The following GREB1 variants were observed in gnomAD, a reference collection of about 807,000 sequenced individuals.
GREB1 encodes growth regulating estrogen receptor binding 1.
Under a neutral mutation model 200.7 loss-of-function variants are expected in GREB1, and 106 were observed. The ratio of observed to expected loss-of-function variants is 0.53; its 90% CI spans 0.45 to 0.62. GREB1 has a LOEUF of 0.62. Ranked by LOEUF, GREB1 falls within the 20% of genes least tolerant of loss-of-function variation. GREB1 has a pLI of 0.00. For missense variants in GREB1, 2,243 were observed against 2,556.8 expected (o/e 0.88, Z 2.65); for synonymous variants, 1,132 against 1,092.4 (o/e 1.04, Z -0.72).
At chr2:11,524,162 C>T (rs1203158776) in intron 1 of GREB1, among the ~76,000 whole-genome samples, 1 of 152,134 alleles carries the variant, frequency 6.6e-6, no homozygotes, top group Non-Finnish European at 1.5e-5. Flanking sequence ...CATCTTTTTT[C>T]TCCCTCCTCT....
chr2:11,618,460 G>A lies in GREB1; in HGVS notation c.3585G>A (p.Gly1195=). Residue 1195 remains glycine (G), a synonymous_variant, in exon 22 of 33, where the codon GGG becomes GGA. Coordinates refer to ENST00000381486, the MANE Select transcript of GREB1 (RefSeq NM_014668.4). ...PPSAISRHSP[G]PTPQPDCSLR... ...CGGCCATCAGCAGGCACAGTCCCGG[G>A]CCGACGCCCCAGCCCGACTGTAGCC... is the stretch of plus-strand genomic sequence containing the variant. The A allele has an allele frequency of 1.9e-6, 3 of 1,605,748 alleles. No individual in the cohort carries two copies. The highest frequency in any genetic ancestry group is 2.5e-6 in the Non-Finnish European group (3 of 1,176,962).
intron 5 of GREB1, among the ~76,000 whole-genome samples, chr2:11,577,310 C>T (rs995220257): frequency 3.3e-5 from 5 of 152,150 alleles, no homozygotes; most frequent in Admixed American, 3.3e-4. Flanking sequence ...AGGACGGCCC[C>T]GAGCACAAAG....
intron 22 of GREB1, among the ~76,000 whole-genome samples, chr2:11,620,612 T>C (rs965963026): frequency 1.3e-5 from 2 of 152,216 alleles, no homozygotes; most frequent in African/African-American, 4.8e-5. Flanking sequence ...TGAAGCAGCT[T>C]GCTTTGGCTT....
chr2:11,537,700 ATATAT>A (rs1364361605), intron 1 of GREB1, among the ~76,000 whole-genome samples: 1 of 147,480 alleles, frequency 6.8e-6, no homozygotes, highest in Non-Finnish European at 1.5e-5. Context: ...CATAAATATC[ATATAT>A]TAGATAAATA....
intron 16 of GREB1, among the ~76,000 whole-genome samples, chr2:11,601,576 C>T (rs548132737): frequency 1.3e-5 from 2 of 152,250 alleles, no homozygotes; most frequent in Non-Finnish European, 2.9e-5. Flanking sequence ...AATAAGTAAA[C>T]GTAAGAGATG....
chr2:11,552,825 C>A (rs943655636), intron 1 of GREB1, among the ~76,000 whole-genome samples: 49 of 151,994 alleles, frequency 3.2e-4, no homozygotes, highest in Non-Finnish European at 6.3e-4. Flanking sequence ...TCCTGGCTAA[C>A]ACGGTGAAAC....
In GREB1 at chr2:11,580,654, A is replaced by T. The variant is rs747926064; in HGVS notation, c.773-50A>T. The T allele has an allele frequency of 3.2e-6, 5 of 1,547,916 alleles. No individual in the cohort carries two copies. The highest frequency in any genetic ancestry group is 3.9e-5 in the Admixed American group (2 of 51,792). ...ATGATTTCCTCCTTGCCTGGCTCCC[A>T]GGGCATTCTTGTGAACTGACCCTCC... On this transcript the variant is annotated intron_variant, in intron 6 of 32. Coordinates refer to ENST00000381486, the MANE Select transcript of GREB1 (RefSeq NM_014668.4). The surrounding 1 kb of genome is among the most constrained non-coding windows in gnomAD (Gnocchi z 4.5).
At chr2:11,557,160 A>G (rs1443856218) in intron 2 of GREB1, among the ~76,000 whole-genome samples, 2 of 152,198 alleles carry the variant, frequency 1.3e-5, no homozygotes, top group African/African-American at 4.8e-5. Flanking sequence ...TTGCAAAGTA[A>G]TAGTAGGTAT....
Position 11,617,332 on chromosome 2 carries a change from C to T in GREB1, c.3412+612C>T, listed in dbSNP as rs114080533. 3.9e-4 allele frequency among the ~76,000 whole-genome samples: 60 copies of T among 152,306 alleles called. 1 individual carries two copies. The South Asian group carries it at 1.0e-2, about 25-fold the overall frequency. ...CCCCGGGCAAGTCAGGGGCCACCGT[C>T]GGCCATCAGCACGCACAGTCCCTGT... On this transcript the variant is annotated intron_variant, in intron 21 of 32. Coordinates refer to ENST00000381486, the MANE Select transcript of GREB1 (RefSeq NM_014668.4).
chr2:11,523,980 G>A (rs1425630167), intron 1 of GREB1, among the ~76,000 whole-genome samples: 1 of 152,076 alleles, frequency 6.6e-6, no homozygotes, highest in South Asian at 2.1e-4. Context: ...CTCAGCCCAA[G>A]GACTCTTTAT....
At chr2:11,519,515 G>A (rs1425436395) in intron 1 of GREB1, among the ~76,000 whole-genome samples, 2 of 140,266 alleles carry the variant, frequency 1.4e-5, no homozygotes, top group African/African-American at 5.6e-5. Flanking sequence ...GAGCGCAATG[G>A]CACGATCTCG....
rs144080864 is a variant in GREB1, at chr2:11,500,217, A to G, written c.-159+17836A>G. 9.5e-4 allele frequency among the ~76,000 whole-genome samples: 145 copies of G among 152,304 alleles called. 3 individuals are homozygous for G. In the East Asian group the frequency reaches 0.026, roughly 27 times the overall value. On this transcript the variant is annotated intron_variant, in intron 1 of 2. Transcript: ENST00000628795. ...CACGCTGTTGCCCAGGCTGGAGTGCAGTGGTGTGATCTCGGCTTACCGCAA... is the reference window on the plus strand; with the variant it reads ...CACGCTGTTGCCCAGGCTGGAGTGCGGTGGTGTGATCTCGGCTTACCGCAA...
At chr2:11,509,164 G>T (rs1673280347) in intron 1 of GREB1, among the ~76,000 whole-genome samples, 2 of 152,026 alleles carry the variant, frequency 1.3e-5, no homozygotes, top group African/African-American at 4.8e-5. Flanking sequence ...ATGAGCCACC[G>T]CGCCCGGCCC....
Position 11,631,895 on chromosome 2 carries a change from C to G in GREB1, c.4612-14C>G, listed in dbSNP as rs1023542933. 17 of 1,599,022 alleles carry G rather than the reference C, an allele frequency of 1.1e-5. No homozygotes were observed. Among genetic ancestry groups the G allele is most frequent in the Non-Finnish European group, 1.4e-5 (16 of 1,166,924 alleles). On this transcript the variant is annotated splice_polypyrimidine_tract_variant and intron_variant, in intron 26 of 32. Transcript: ENST00000381486. ...TTTACAAACACTCTACCTCATGATA[C>G]CTGTACTTTGCAGAGCCATGAATAT...
rs760768825 is a variant in GREB1, at chr2:11,610,688, G to A, written c.2667G>A (p.Arg889=). 6.2e-7 allele frequency: 1 copy of A among 1,607,060 alleles called. No individual in the cohort carries two copies. The highest frequency in any genetic ancestry group is 1.1e-5 in the South Asian group (1 of 90,372). ...FEAMVTALGK[R]FPRLHSAVIR... ...CATGGTCTCTCTGTGTTCCTTGCAG[G>A]TTCCCCCGCCTGCACAGCGCGGTGA... Residue 889 remains arginine, a splice_region_variant and synonymous_variant, in exon 18 of 33, where the codon AGG becomes AGA. Transcript: ENST00000381486.
At chr2:11,553,117 A>G (rs1676091949) in intron 1 of GREB1, among the ~76,000 whole-genome samples, 1 of 151,220 alleles carries the variant, frequency 6.6e-6, no homozygotes, top group South Asian at 2.1e-4. Context: ...GTCATTTGGG[A>G]TAGGGAGTGG....
intron 1 of GREB1, among the ~76,000 whole-genome samples, chr2:11,522,768 G>T (rs937860373): frequency 4.6e-5 from 7 of 152,208 alleles, no homozygotes; most frequent in Admixed American, 6.5e-5. Flanking sequence ...CAGACTCAGG[G>T]ATAGCAATGT....
At chr2:11,611,086 G>T in intron 18 of GREB1, 59 bp downstream of exon 18, 1 of 1,369,552 alleles carries the variant, frequency 7.3e-7, no homozygotes, top group South Asian at 1.4e-5. Flanking sequence ...GAGCTGAGGG[G>T]CCCACCAGAG....
chr2:11,501,008 C>T (rs1673022850), intron 1 of GREB1, among the ~76,000 whole-genome samples: 2 of 152,180 alleles, frequency 1.3e-5, no homozygotes, highest in African/African-American at 4.8e-5. Context: ...TAATGTGGTA[C>T]AGAGCCAGGG....
Sources: gnomAD v4.1 joint callset for allele counts (sites outside exome capture counted in the v4.1 genomes callset) on GRCh38, gnomAD v4.1.1 for gene constraint, Gnocchi (gnomAD v3.1) non-coding constraint, MANE v1.5 for transcripts, NCBI Gene and HGNC (gene_info 2026-07-23, HGNC 2026-07-21) for gene names.